Variants in GPC6 observed in about 807,000 individuals in gnomAD.
GPC6 encodes the protein glypican-6.
Under a neutral mutation model 55.2 loss-of-function variants are expected in GPC6, and 14 were observed. The ratio of observed to expected loss-of-function variants is 0.25; its 90% CI spans 0.17 to 0.40. The LOEUF (loss-of-function observed/expected upper bound fraction) is 0.40, where lower values mean the gene tolerates loss of function less well. GPC6 is among the 10% of genes least tolerant of loss of function. The probability of loss-of-function intolerance (pLI) is 1.00; values close to 1 mark genes in which losing one functional copy is unlikely to be tolerated. For missense variants in GPC6, 641 were observed against 708.5 expected, an observed-to-expected ratio of 0.90 and a Z score of 1.08; for synonymous variants, 278 against 259.6, an observed-to-expected ratio of 1.07 and a Z score of -0.68.
intron 2 of GPC6, among the ~76,000 whole-genome samples, chr13:93,726,128 A>ACACACC (rs1883629620): frequency 2.6e-5 from 4 of 151,070 alleles, no homozygotes; most frequent in Admixed American, 6.6e-5. Flanking sequence ...ACACACACAC[A>ACACACC]CACACACACA....
At chr13:94,392,291 C>T (rs1880680812) in intron 7 of GPC6, among the ~76,000 whole-genome samples, 1 of 151,584 alleles carries the variant, frequency 6.6e-6, no homozygotes, top group African/African-American at 2.4e-5. Flanking sequence ...ATCCAAGTAG[C>T]AGCTGTAATA....
intron 3 of GPC6, among the ~76,000 whole-genome samples, chr13:93,944,297 A>G (rs922611336): frequency 1.3e-5 from 2 of 151,840 alleles, no homozygotes; most frequent in African/African-American, 2.4e-5. Context: ...TCCGCCTCCC[A>G]GGTTCACGCC....
intron 1 of GPC6, among the ~76,000 whole-genome samples, chr13:93,306,121 C>T (rs1254009919): frequency 1.3e-5 from 2 of 152,112 alleles, no homozygotes; most frequent in Non-Finnish European, 2.9e-5. Flanking sequence ...ACTGAACAGT[C>T]ACATTCCAAT....
At chr13:93,520,409 C>A (rs1242282970) in intron 1 of GPC6, among the ~76,000 whole-genome samples, 2 of 151,772 alleles carry the variant, frequency 1.3e-5, no homozygotes, top group East Asian at 3.9e-4. Flanking sequence ...TAACAAGTCA[C>A]TTTCTCAAAA....
At chr13:94,015,789 G>A (rs1037574775) in intron 3 of GPC6, among the ~76,000 whole-genome samples, 1 of 152,106 alleles carries the variant, frequency 6.6e-6, no homozygotes, top group Non-Finnish European at 1.5e-5. Context: ...TTGCACGCTT[G>A]TTGAAAATCA....
chr13:94,142,631 C>G (rs925546239), intron 4 of GPC6, among the ~76,000 whole-genome samples: 1 of 152,078 alleles, frequency 6.6e-6, no homozygotes, highest in African/African-American at 2.4e-5. Flanking sequence ...CAAAGCAAAA[C>G]AGCCTTCTTT....
intron 2 of GPC6, among the ~76,000 whole-genome samples, chr13:93,746,214 A>G (rs1040012422): frequency 1.3e-5 from 2 of 152,244 alleles, no homozygotes; most frequent in African/African-American, 4.8e-5. Context: ...AGCTGTCATA[A>G]TTGTAGGTGT....
chr13:93,340,416 C>T (rs1273163340), intron 1 of GPC6, among the ~76,000 whole-genome samples: 3 of 152,150 alleles, frequency 2.0e-5, no homozygotes, highest in African/African-American at 7.2e-5. Flanking sequence ...AAAGTCCACA[C>T]TTTTATAGGT....
intron 2 of GPC6, among the ~76,000 whole-genome samples, chr13:93,763,833 T>A (rs1019744583): frequency 2.0e-5 from 3 of 152,296 alleles, no homozygotes; most frequent in East Asian, 1.9e-4. Context: ...TCTTTATTTT[T>A]TTTTTTTATC....
intron 3 of GPC6, among the ~76,000 whole-genome samples, chr13:93,918,651 A>G (rs573665279): frequency 6.6e-6 from 1 of 152,120 alleles, no homozygotes; most frequent in Non-Finnish European, 1.5e-5. Context: ...AAACAACACC[A>G]TCAGTTTTTG....
At chr13:93,779,143 C>G (rs1273344174) in intron 2 of GPC6, among the ~76,000 whole-genome samples, 1 of 152,092 alleles carries the variant, frequency 6.6e-6, no homozygotes, top group Non-Finnish European at 1.5e-5. Flanking sequence ...TTATTTATAT[C>G]ACTTTCTATG....
At chr13:93,798,657 A>T (rs1256859971) in intron 2 of GPC6, among the ~76,000 whole-genome samples, 1 of 152,060 alleles carries the variant, frequency 6.6e-6, no homozygotes, top group Non-Finnish European at 1.5e-5. Flanking sequence ...GTTAGCTCAC[A>T]CCTGTAATCC....
chr13:93,789,610 T>TACTACATATATATATAATACTACAC (rs1178827836), intron 2 of GPC6, among the ~76,000 whole-genome samples: 2 of 27,694 alleles, frequency 7.2e-5, no homozygotes, highest in African/African-American at 1.5e-4. Flanking sequence ...TATATATATA[T>TACTACATATATATATAATACTACAC]ATATATATAT....
intron 3 of GPC6, among the ~76,000 whole-genome samples, chr13:93,878,942 CA>C (rs1449364873): frequency 6.6e-6 from 1 of 151,998 alleles, no homozygotes; most frequent in Non-Finnish European, 1.5e-5. Context: ...TTAGGAAAAG[CA>C]AAAACAGTGT....
At position 93,473,683 on chromosome 13, in the gene GPC6, G is replaced by T. The variant is rs867086588; in HGVS notation, c.161-71580G>T. Among the ~76,000 whole-genome samples the T allele has an allele frequency of 2.6e-5, 4 of 152,302 alleles. No individual in the cohort carries two copies. The South Asian group carries it at 8.3e-4, about 32-fold the overall frequency. On this transcript the variant is annotated intron_variant, in intron 1 of 8. Coordinates refer to ENST00000377047, the MANE Select transcript of GPC6 (RefSeq NM_005708.5). ...GGCCCCTCTTTGCCCACTCCTCTGT[G>T]CCTGACCATGCTGCTCCCCTACTGG...
chr13:93,272,492 G>GTGTATA (rs1429769672), intron 1 of GPC6, among the ~76,000 whole-genome samples: 22 of 137,182 alleles, frequency 1.6e-4, no homozygotes, highest in South Asian at 9.4e-4. Context: ...TTGTCTGTGT[G>GTGTATA]TATATATATA....
At chr13:93,880,092 T>C (rs1256499530) in intron 3 of GPC6, among the ~76,000 whole-genome samples, 1 of 151,780 alleles carries the variant, frequency 6.6e-6, no homozygotes, top group Admixed American at 6.6e-5. Flanking sequence ...TGTGGAGAAA[T>C]AGGAACACCT....
the GPC6 span, among the ~76,000 whole-genome samples, chr13:93,221,047 T>A: frequency 6.6e-6 from 1 of 152,034 alleles, no homozygotes; most frequent in African/African-American, 2.4e-5. Context: ...CACACCCAGC[T>A]AATTTTTGTG....
At chr13:93,399,782 C>T (rs939024873) in intron 1 of GPC6, among the ~76,000 whole-genome samples, 4 of 152,216 alleles carry the variant, frequency 2.6e-5, no homozygotes, top group African/African-American at 9.7e-5. Flanking sequence ...CTCCTGCCCA[C>T]ACCTTCCGAG....
Sources: allele counts gnomAD v4.1 joint callset (sites outside exome capture counted in the v4.1 genomes callset), GRCh38; gene constraint gnomAD v4.1.1; transcripts MANE v1.5; gene names NCBI Gene and HGNC (gene_info 2026-07-23, HGNC 2026-07-21).